Variants in CRISPLD1 observed in about 807,000 individuals in gnomAD.
CRISPLD1 encodes cysteine rich secretory protein LCCL domain containing 1, also known as cysteine-rich secretory protein LCCL domain-containing 1.
CRISPLD1 carries 60 observed loss-of-function variants against 77.5 expected under a neutral mutation model. The observed-to-expected ratio is 0.77, with a 90% CI of 0.63 to 0.96. The LOEUF (loss-of-function observed/expected upper bound fraction) is 0.96, where lower values mean the gene tolerates loss of function less well. CRISPLD1 is among the 40% of genes least tolerant of loss of function. The probability of loss-of-function intolerance (pLI) is 0.00; values close to 1 mark genes in which losing one functional copy is unlikely to be tolerated. For synonymous variants in CRISPLD1, 195 were observed against 200.1 expected (o/e 0.97, Z 0.22); for missense variants, 623 against 615.8 (o/e 1.01, Z -0.12).
intron 2 of CRISPLD1, among the ~76,000 whole-genome samples, chr8:75,011,723 C>G (rs1000430691): frequency 6.6e-6 from 1 of 151,874 alleles, no homozygotes; most frequent in Non-Finnish European, 1.5e-5. Flanking sequence ...TTATGAGAAT[C>G]AGATTTGTTA....
intron 2 of CRISPLD1, among the ~76,000 whole-genome samples, chr8:75,009,032 A>G (rs1252008465): frequency 6.6e-6 from 1 of 152,154 alleles, no homozygotes; most frequent in Non-Finnish European, 1.5e-5. Flanking sequence ...TTTCATAGGG[A>G]AAACTGACAC....
intron 12 of CRISPLD1, 48 bp from the exon 13 acceptor site, chr8:75,025,494 GACTT>G (rs1813215911): frequency 4.2e-6 from 3 of 722,000 alleles, no homozygotes; most frequent in East Asian, 7.0e-5. Context: ...TAATAAGAAA[GACTT>G]AAGTAACCAG....
intron 10 of CRISPLD1, 58 bp from the exon 11 acceptor site, chr8:75,019,812 G>A (rs1413669322): frequency 7.4e-6 from 10 of 1,349,422 alleles, no homozygotes; most frequent in African/African-American, 1.4e-5. Flanking sequence ...TACCAGAAAT[G>A]ATGCTGCTGC....
At chr8:75,028,472 A>C (rs1395375185) in intron 13 of CRISPLD1, among the ~76,000 whole-genome samples, 1 of 152,228 alleles carries the variant, frequency 6.6e-6, no homozygotes, top group Non-Finnish European at 1.5e-5. Context: ...ATACTGAAAC[A>C]GTTCAAATAT....
At chr8:75,012,776 A>T in intron 3 of CRISPLD1, 114 bp from the exon 4 acceptor site, 1 of 1,222,512 alleles carries the variant, frequency 8.2e-7, no homozygotes, top group Non-Finnish European at 1.1e-6. Context: ...ATTTAAGTTT[A>T]ATAGTTTACG....
intron 2 of CRISPLD1, among the ~76,000 whole-genome samples, chr8:75,011,232 G>C (rs1014767829): frequency 6.7e-6 from 1 of 149,938 alleles, no homozygotes; most frequent in Non-Finnish European, 1.5e-5. Context: ...CCATTAACTC[G>C]TCATTTAGCA....
At chr8:75,022,994 T>A (rs1813164425) in intron 12 of CRISPLD1, among the ~76,000 whole-genome samples, 1 of 151,888 alleles carries the variant, frequency 6.6e-6, no homozygotes, top group African/African-American at 2.4e-5. Flanking sequence ...TCTTTAAAAT[T>A]TATTGAATGC....
Position 75,012,506 on chromosome 8 carries a change from G to A in CRISPLD1, c.332G>A (p.Ser111Asn), listed in dbSNP as rs753605830. The A allele has an allele frequency of 5.0e-6, 8 of 1,612,894 alleles. No individual in the cohort carries two copies. Among genetic ancestry groups the A allele is most frequent in the Non-Finnish European group, 6.8e-6 (8 of 1,179,228 alleles). ...ESCLWEHGPA[S>N]LLPSIGQNLG... ...TGCTTGTGGGAACATGGACCTGCAA[G>A]CTTGCTTCCATCAATTGGACAGAAT... The change falls in exon 3 of 15, where the codon AGC becomes AAC. Residue 111 changes from serine (S) to asparagine (N), a missense_variant. By Grantham distance (46) the Ser-to-Asn change is conservative. Transcript: ENST00000262207.
At chr8:75,027,702 A>G (rs535169542) in intron 13 of CRISPLD1, among the ~76,000 whole-genome samples, 4 of 152,188 alleles carry the variant, frequency 2.6e-5, no homozygotes, top group African/African-American at 4.8e-5. Flanking sequence ...AAAATACATT[A>G]TCTCTCCAAA....
intron 2 of CRISPLD1, among the ~76,000 whole-genome samples, chr8:74,990,237 C>T (rs1335581011): frequency 6.7e-6 from 1 of 150,206 alleles, no homozygotes; most frequent in Non-Finnish European, 1.5e-5. Context: ...CATCACTACA[C>T]AATACATCAA....
rs759258329 is a variant in CRISPLD1 at position 75,010,573 on chromosome 8, C to G, written c.259-1860C>G. ...TTCACCCATCATTGATCTGAAGTTG[C>G]TTTTAGTCATGAATTAGTACTTAGG... On this transcript the variant is annotated intron_variant, in intron 2 of 14. Transcript: ENST00000262207. Among the ~76,000 whole-genome samples, 10 of 152,198 alleles carry G rather than the reference C, an allele frequency of 6.6e-5. 1 individual carries two copies. The South Asian group carries it at 1.7e-3, about 25-fold the overall frequency.
Position 75,014,810 on chromosome 8 carries a change from A to G in CRISPLD1, c.627-2A>G. ...TTTAATAGAGCGTATCATCTCTTAA[A>G]GGGGAAACTGGTGGGGCCATGCCCC... is the stretch of plus-strand genomic sequence containing the variant. On this transcript the variant is annotated splice_acceptor_variant, in intron 5 of 14. Coordinates refer to ENST00000262207, the MANE Select transcript of CRISPLD1 (RefSeq NM_031461.6). LOFTEE classifies it high-confidence loss of function. 6.3e-7 allele frequency: 1 copy of G among 1,599,742 alleles called. No homozygotes were observed. Among genetic ancestry groups the G allele is most frequent in the Non-Finnish European group, 8.5e-7 (1 of 1,173,392 alleles).
At chr8:74,988,514 C>T (rs1812528051) in intron 2 of CRISPLD1, among the ~76,000 whole-genome samples, 2 of 152,078 alleles carry the variant, frequency 1.3e-5, no homozygotes, top group Non-Finnish European at 2.9e-5. Flanking sequence ...TACCCCTATT[C>T]TTTTACTCAT....
At chr8:75,022,446 G>T (rs1813152082) in intron 12 of CRISPLD1, among the ~76,000 whole-genome samples, 1 of 151,998 alleles carries the variant, frequency 6.6e-6, no homozygotes, top group Middle Eastern at 3.4e-3. Flanking sequence ...AAAATTAGCC[G>T]GGCGTGGGGG....
At chr8:75,014,687 T>G in intron 5 of CRISPLD1, 125 bp from the exon 6 acceptor site, 1 of 586,250 alleles carries the variant, frequency 1.7e-6, no homozygotes, top group Non-Finnish European at 2.9e-6. Flanking sequence ...TAATAAATTA[T>G]ATGAATGTCT....
intron 2 of CRISPLD1, among the ~76,000 whole-genome samples, chr8:75,010,800 T>C (rs1211088403): frequency 1.3e-5 from 2 of 152,058 alleles, no homozygotes; most frequent in African/African-American, 4.8e-5. Flanking sequence ...TTTTTATTCG[T>C]CTTCTCATTC....
chr8:75,024,559 A>G (rs1416304834), intron 12 of CRISPLD1, among the ~76,000 whole-genome samples: 1 of 152,112 alleles, frequency 6.6e-6, no homozygotes, highest in Non-Finnish European at 1.5e-5. Context: ...TCCTGACCTC[A>G]GGCGATCCAC....
intron 2 of CRISPLD1, among the ~76,000 whole-genome samples, chr8:74,996,795 T>A (rs941689998): frequency 1.4e-5 from 2 of 140,726 alleles, no homozygotes; most frequent in Non-Finnish European, 3.0e-5. Context: ...GATGGCTCAC[T>A]GCAGCATCAA....
At chr8:75,005,620 C>T (rs999936213) in intron 2 of CRISPLD1, among the ~76,000 whole-genome samples, 2 of 152,068 alleles carry the variant, frequency 1.3e-5, no homozygotes, top group Non-Finnish European at 2.9e-5. Context: ...TTACTTCTGT[C>T]AGCCCTTGAC....
Sources: gnomAD v4.1 joint callset for allele counts (sites outside exome capture counted in the v4.1 genomes callset) on GRCh38, gnomAD v4.1.1 for gene constraint, MANE v1.5 for transcripts, NCBI Gene and HGNC (gene_info 2026-07-23, HGNC 2026-07-21) for gene names.